Variants in MLLT3 observed in about 807,000 individuals in gnomAD.
MLLT3 encodes protein AF-9.
Under a neutral mutation model 53.2 loss-of-function variants are expected in MLLT3, and 4 were observed. The ratio of observed to expected loss-of-function variants is 0.08; its 90% CI spans 0.04 to 0.17. MLLT3 has a LOEUF of 0.17. Among genes scored for constraint, MLLT3 ranks in the 10% least tolerant of loss-of-function variants. The probability of loss-of-function intolerance (pLI) is 1.00; values close to 1 mark genes in which losing one functional copy is unlikely to be tolerated. For missense variants in MLLT3, 569 were observed against 684.0 expected (o/e 0.83, Z 1.87); for synonymous variants, 283 against 230.6 (o/e 1.23, Z -2.06).
intron 4 of MLLT3, among the ~76,000 whole-genome samples, chr9:20,438,631 C>T (rs949752885): frequency 1.3e-5 from 2 of 152,068 alleles, no homozygotes; most frequent in African/African-American, 2.4e-5. Context: ...AGACAGGTCT[C>T]ACTCTGTGGC....
chr9:20,491,797 A>C (rs888689236), intron 2 of MLLT3, among the ~76,000 whole-genome samples: 4 of 152,126 alleles, frequency 2.6e-5, no homozygotes, highest in Non-Finnish European at 4.4e-5. Context: ...TCTACTGCTG[A>C]TGTTTTCTTG....
At chr9:20,540,509 G>C (rs1818603261) in intron 2 of MLLT3, among the ~76,000 whole-genome samples, 1 of 152,216 alleles carries the variant, frequency 6.6e-6, no homozygotes, top group Non-Finnish European at 1.5e-5. Context: ...CTTGGGGCTT[G>C]AACCCTCTGA....
In MLLT3 at chr9:20,414,201, T is replaced by G. The variant is rs1402756071; in HGVS notation, c.645A>C (p.Lys215Asn). ...CCCTGGAAGGTTCTTTGAAGGCACT[T>G]TTATGTTCTCTGGAGTCTTTAGAAG... ...EKPSKDSREH[K>N]SAFKEPSRDH... Residue 215 changes from lysine to asparagine, a missense_variant, in exon 5 of 11, where the codon AAA becomes AAC. Physicochemically the swap from Lys to Asn is moderately conservative, Grantham distance 94. This residue lies in a region of MLLT3 where 437 missense variants were observed against 376.5 expected (regional missense o/e 1.16). Transcript: ENST00000380338. 3.1e-6 allele frequency: 5 copies of G among 1,614,082 alleles called. No individual in the cohort carries two copies. The highest frequency in any genetic ancestry group is 4.2e-6 in the Non-Finnish European group (5 of 1,180,046).
chr9:20,408,549 AAC>A (rs1330455412), intron 5 of MLLT3, among the ~76,000 whole-genome samples: 1 of 152,166 alleles, frequency 6.6e-6, no homozygotes, highest in East Asian at 1.9e-4. Flanking sequence ...CCAGTTATAA[AAC>A]ACAGAAAACA....
At chr9:20,534,218 C>T (rs1818419758) in intron 2 of MLLT3, among the ~76,000 whole-genome samples, 2 of 152,116 alleles carry the variant, frequency 1.3e-5, no homozygotes, top group Admixed American at 6.5e-5. Context: ...GTCATGTCTT[C>T]GGAAAGTTGC....
At chr9:20,474,331 G>T (rs1383564314) in intron 2 of MLLT3, among the ~76,000 whole-genome samples, 1 of 152,044 alleles carries the variant, frequency 6.6e-6, no homozygotes, top group Non-Finnish European at 1.5e-5. Context: ...GAACACCCTG[G>T]AAATTAGCTT....
chr9:20,557,416 G>T (rs1260511272), intron 2 of MLLT3, among the ~76,000 whole-genome samples: 1 of 152,138 alleles, frequency 6.6e-6, no homozygotes, highest in Non-Finnish European at 1.5e-5. Context: ...CCTGATGGGG[G>T]TGTTGTAAAC....
At chr9:20,374,198 CA>C (rs2118677467) in intron 5 of MLLT3, among the ~76,000 whole-genome samples, 1 of 152,318 alleles carries the variant, frequency 6.6e-6, no homozygotes, top group East Asian at 1.9e-4. Flanking sequence ...GCCTGGGCAA[CA>C]CAGTGAGATC....
intron 8 of MLLT3, among the ~76,000 whole-genome samples, chr9:20,356,087 C>T (rs1006513521): frequency 1.3e-5 from 2 of 152,136 alleles, no homozygotes; most frequent in Non-Finnish European, 2.9e-5. Flanking sequence ...TCAGCTTTAA[C>T]ATTTTTTATT....
intron 2 of MLLT3, among the ~76,000 whole-genome samples, chr9:20,486,604 G>A (rs573526103): frequency 7.9e-5 from 12 of 152,198 alleles, no homozygotes; most frequent in African/African-American, 2.6e-4. Context: ...AAAGATTAGC[G>A]AAAGTTTTTA....
intron 2 of MLLT3, among the ~76,000 whole-genome samples, chr9:20,492,902 TAGA>T (rs1016054266): frequency 6.6e-6 from 1 of 151,976 alleles, no homozygotes; most frequent in Non-Finnish European, 1.5e-5. Context: ...GCAGGCTAAA[TAGA>T]AGTTTAGAGT....
chr9:20,399,188 T>C (rs1417683744), intron 5 of MLLT3, among the ~76,000 whole-genome samples: 3 of 152,166 alleles, frequency 2.0e-5, no homozygotes, highest in Admixed American at 6.5e-5. Flanking sequence ...ATGTGACCTG[T>C]CTAGTCCACC....
intron 4 of MLLT3, among the ~76,000 whole-genome samples, chr9:20,436,255 A>T (rs1823399893): frequency 6.6e-6 from 1 of 152,202 alleles, no homozygotes; most frequent in African/African-American, 2.4e-5. Context: ...AACTCCAAAA[A>T]TTATGATTGC....
chr9:20,414,094 A>G lies in MLLT3; in HGVS notation c.752T>C (p.Met251Thr), dbSNP rs202095173. Residue 251 changes from methionine (M) to threonine (T), a missense_variant, in exon 5 of 11, where the codon ATG becomes ACG. Around this residue, in one of 5 missense-constraint regions of MLLT3, gnomAD observed 437 missense variants for 376.5 expected, o/e 1.16. Coordinates refer to ENST00000380338, the MANE Select transcript of MLLT3 (RefSeq NM_004529.4). ...PLKEEKIVPK[M>T]AFKEPKPMSK... ...CATGGGTTTAGGTTCCTTGAAGGCCATCTTAGGAACTATTTTCTCTTCTTT... is the reference window on the plus strand; with the variant it reads ...CATGGGTTTAGGTTCCTTGAAGGCCGTCTTAGGAACTATTTTCTCTTCTTT... 3.5e-5 allele frequency: 56 copies of G among 1,613,710 alleles called. No individual in the cohort carries two copies. The highest frequency in any genetic ancestry group is 4.6e-5 in the Non-Finnish European group (54 of 1,179,948).
chr9:20,430,036 A>C (rs1247192972), intron 4 of MLLT3, among the ~76,000 whole-genome samples: 2 of 152,186 alleles, frequency 1.3e-5, no homozygotes, highest in African/African-American at 4.8e-5. Context: ...AAGTTTAGTA[A>C]GATGTTAGAA....
Position 20,621,905 on chromosome 9 carries a change from G to GT in MLLT3, c.12+339dup. On this transcript the variant is annotated intron_variant, in intron 1 of 10. Transcript: ENST00000380338. This position sits in a 1 kb window ranked among gnomAD's most constrained non-coding sequence, Gnocchi z 7.0. ...GTTATTATTCGCCTCCTTCCACCGT[G>GT]TGTGTGTGTGTGTGTGAGTGCGCGC... The GT allele has an allele frequency of 8.2e-7, 1 of 1,216,882 alleles. No individual in the cohort carries two copies. The highest frequency in any genetic ancestry group is 1.1e-6 in the Non-Finnish European group (1 of 935,098). The allele number at this position is 1,216,882 out of a possible 1,614,324, so 75.4% of individuals were successfully genotyped here. A position where few individuals can be genotyped will look rare whatever the true frequency, so the allele number is the denominator to read the frequency against.
chr9:20,579,526 A>G (rs894286660), intron 2 of MLLT3, among the ~76,000 whole-genome samples: 1 of 152,198 alleles, frequency 6.6e-6, no homozygotes, highest in African/African-American at 2.4e-5. Flanking sequence ...TCTCCAAATA[A>G]GATTTCTAAG....
chr9:20,513,800 G>C (rs1372812526), intron 2 of MLLT3, among the ~76,000 whole-genome samples: 7 of 152,202 alleles, frequency 4.6e-5, no homozygotes, highest in African/African-American at 1.2e-4. Context: ...CCCTGCTTCT[G>C]TGTGAAACAA....
chr9:20,530,734 C>T (rs1028271886), intron 2 of MLLT3, among the ~76,000 whole-genome samples: 4 of 152,136 alleles, frequency 2.6e-5, no homozygotes, highest in Non-Finnish European at 5.9e-5. Context: ...GGGTTTCAAT[C>T]GATTCTCCTG....
Sources: allele counts gnomAD v4.1 joint callset (sites outside exome capture counted in the v4.1 genomes callset), GRCh38; gene constraint gnomAD v4.1.1; regional missense constraint gnomAD v4.1.1; non-coding constraint Gnocchi (gnomAD v3.1); transcripts MANE v1.5; gene names NCBI Gene and HGNC (gene_info 2026-07-23, HGNC 2026-07-21).